The following CCDC7 variants were observed in gnomAD, a reference collection of about 807,000 sequenced individuals.
CCDC7 encodes the protein coiled-coil domain-containing protein 7.
A neutral mutation model predicts 196.9 loss-of-function variants in CCDC7; 183 were observed. The observed-to-expected ratio is 0.93, with a 90% CI of 0.82 to 1.05. The LOEUF is 1.05. CCDC7 is among the 50% of genes least tolerant of loss of function. CCDC7 has a pLI of 0.00. For synonymous variants in CCDC7, 525 were observed against 484.6 expected (o/e 1.08, Z -1.10); for missense variants, 1,540 against 1,482.2 (o/e 1.04, Z -0.64).
intron 11 of CCDC7, among the ~76,000 whole-genome samples, chr10:32,525,260 G>GA (rs1293095770): frequency 3.5e-4 from 52 of 149,952 alleles, no homozygotes; most frequent in Middle Eastern, 3.4e-3. Flanking sequence ...AAAAAGAAAA[G>GA]AAAAAAAAAC....
intron 28 of CCDC7, among the ~76,000 whole-genome samples, chr10:32,758,634 A>C (rs1166591321): frequency 2.0e-5 from 3 of 152,194 alleles, no homozygotes; most frequent in Non-Finnish European, 4.4e-5. Context: ...ACCCACAGCC[A>C]ATATCATACT....
At chr10:32,645,503 CT>C (rs35170235) in intron 20 of CCDC7, among the ~76,000 whole-genome samples, 31,276 of 65,352 alleles carry the variant, frequency 0.48, 6,556 homozygotes, top group South Asian at 0.6. Flanking sequence ...GAGTCCATGT[CT>C]TTTTTTTTTT....
chr10:32,511,167 G>A (rs926135224), intron 9 of CCDC7, among the ~76,000 whole-genome samples: 1 of 142,038 alleles, frequency 7.0e-6, no homozygotes, highest in African/African-American at 2.6e-5. Context: ...CTTTGGAGAG[G>A]AAAGTATTTA....
chr10:32,570,077 T>G (rs1425975725), intron 15 of CCDC7, among the ~76,000 whole-genome samples: 1 of 152,180 alleles, frequency 6.6e-6, no homozygotes, highest in Non-Finnish European at 1.5e-5. Flanking sequence ...AGACCTGTTA[T>G]TCATTAACTT....
At chr10:32,503,389 T>G (rs1044100494) in intron 9 of CCDC7, among the ~76,000 whole-genome samples, 1 of 152,220 alleles carries the variant, frequency 6.6e-6, no homozygotes, top group East Asian at 1.9e-4. Flanking sequence ...TTTTTCTGCA[T>G]CTTATGATCA....
intron 18 of CCDC7, among the ~76,000 whole-genome samples, chr10:32,589,244 A>C (rs554303428): frequency 3.9e-5 from 6 of 152,152 alleles, no homozygotes; most frequent in African/African-American, 1.4e-4. Context: ...AAGTGAAAAC[A>C]TGCAGTTTGT....
chr10:32,499,419 C>T (rs1024343425), intron 9 of CCDC7: 11 of 152,060 alleles, frequency 7.2e-5, no homozygotes, highest in Non-Finnish European at 1.2e-4. Context: ...CCAGAATTAT[C>T]TTCTGCTCTT....
chr10:32,815,182 A>C (rs1189360271), intron 31 of CCDC7, among the ~76,000 whole-genome samples: 3 of 152,208 alleles, frequency 2.0e-5, no homozygotes, highest in Non-Finnish European at 2.9e-5. Flanking sequence ...TTAGCAAAAA[A>C]ATTTAGGACA....
intron 9 of CCDC7, among the ~76,000 whole-genome samples, chr10:32,516,561 T>A (rs2047066920): frequency 6.6e-6 from 1 of 152,202 alleles, no homozygotes; most frequent in Non-Finnish European, 1.5e-5. Flanking sequence ...GTGCTGGGAT[T>A]ACATGCATGA....
At chr10:32,701,506 T>C (rs908881390) in intron 24 of CCDC7, among the ~76,000 whole-genome samples, 1 of 152,232 alleles carries the variant, frequency 6.6e-6, no homozygotes, top group African/African-American at 2.4e-5. Context: ...TGCCAGGCTT[T>C]GGTATCAGGA....
chr10:32,592,058 A>C (rs1353696917), intron 18 of CCDC7, among the ~76,000 whole-genome samples: 1 of 152,168 alleles, frequency 6.6e-6, no homozygotes, highest in Admixed American at 6.5e-5. Flanking sequence ...TCTATAGTTC[A>C]GATTTTCTAT....
In CCDC7 at chr10:32,810,847, A is replaced by C. The variant is rs145098548; in HGVS notation, c.3098-3523A>C. 6.0e-3 allele frequency among the ~76,000 whole-genome samples: 909 copies of C among 152,240 alleles called. 9 individuals are homozygous for C. The highest frequency in any genetic ancestry group is 0.021 in the African/African-American group (865 of 41,574). ...CAGACCATGACAGATTAAAACTAGA[A>C]ATCAAAAACTAGAGGAACTTTGGGA... On this transcript the variant is annotated intron_variant, in intron 30 of 41. Transcript: ENST00000639629.
chr10:32,725,024 A>G (rs956290188), intron 25 of CCDC7, among the ~76,000 whole-genome samples: 4 of 152,248 alleles, frequency 2.6e-5, no homozygotes, highest in Admixed American at 6.5e-5. Flanking sequence ...ATACACGTAT[A>G]TATTTATGTG....
intron 33 of CCDC7, among the ~76,000 whole-genome samples, chr10:32,843,700 T>C (rs2093118035): frequency 6.6e-6 from 1 of 152,000 alleles, no homozygotes; most frequent in African/African-American, 2.4e-5. Flanking sequence ...GTTGCCTCTC[T>C]GCTTATCTAA....
intron 28 of CCDC7, among the ~76,000 whole-genome samples, chr10:32,744,697 T>A (rs1255907125): frequency 6.6e-6 from 1 of 152,234 alleles, no homozygotes; most frequent in Admixed American, 6.5e-5. Context: ...TTAAGAGTTC[T>A]TTGCATATTT....
intron 21 of CCDC7, among the ~76,000 whole-genome samples, chr10:32,665,283 GTTTGC>G (rs1405982140): frequency 6.2e-4 from 94 of 151,956 alleles, no homozygotes; most frequent in African/African-American, 2.2e-3. Flanking sequence ...ACTGTTGATT[GTTTGC>G]TTTGCTGTGC....
chr10:32,701,383 G>A (rs2078693472), intron 24 of CCDC7, among the ~76,000 whole-genome samples: 1 of 152,186 alleles, frequency 6.6e-6, no homozygotes, highest in African/African-American at 2.4e-5. Flanking sequence ...GATCATGGTG[G>A]ATAAGCTTTC....
chr10:32,697,376 C>T (rs1591704118), intron 24 of CCDC7, among the ~76,000 whole-genome samples: 1 of 152,164 alleles, frequency 6.6e-6, no homozygotes, highest in Non-Finnish European at 1.5e-5. Flanking sequence ...GGCAGGACAT[C>T]GCCTCACCCA....
chr10:32,543,621 G>A (rs1383047316), intron 12 of CCDC7, among the ~76,000 whole-genome samples: 1 of 152,038 alleles, frequency 6.6e-6, no homozygotes, highest in Non-Finnish European at 1.5e-5. Context: ...AATACATTCA[G>A]AAATAGGTGA....
Sources: allele counts gnomAD v4.1 joint callset (sites outside exome capture counted in the v4.1 genomes callset), GRCh38; gene constraint gnomAD v4.1.1; transcripts MANE v1.5; gene names NCBI Gene and HGNC (gene_info 2026-07-23, HGNC 2026-07-21).